The following MB21D2 variants were observed in gnomAD, a reference collection of about 807,000 sequenced individuals.
MB21D2 encodes the protein Mab-21 domain containing 2.
MB21D2 carries 9 observed loss-of-function variants against 33.3 expected under a neutral mutation model. The observed-to-expected ratio is 0.27, with a 90% CI of 0.16 to 0.47. The LOEUF is 0.47. MB21D2 is among the 20% of genes least tolerant of loss of function. The pLI, the probability that MB21D2 is intolerant of heterozygous loss-of-function variation, is 0.99. For synonymous variants in MB21D2, 241 were observed against 236.3 expected, an observed-to-expected ratio of 1.02 and a Z score of -0.18; for missense variants, 540 against 624.6, an observed-to-expected ratio of 0.86 and a Z score of 1.44.
intron 1 of MB21D2, among the ~76,000 whole-genome samples, chr3:192,809,281 A>T (rs1184570810): frequency 6.6e-6 from 1 of 152,164 alleles, no homozygotes; most frequent in Non-Finnish European, 1.5e-5. Flanking sequence ...TTTTTAGTAG[A>T]GATGGGGTTT....
chr3:192,836,285 C>T (rs964691562), intron 1 of MB21D2, among the ~76,000 whole-genome samples: 2 of 152,132 alleles, frequency 1.3e-5, no homozygotes, highest in Non-Finnish European at 2.9e-5. Flanking sequence ...GCTACGGAAA[C>T]CCAAGGGTGT....
intron 1 of MB21D2, among the ~76,000 whole-genome samples, chr3:192,876,156 C>T (rs759110422): frequency 7.2e-5 from 11 of 152,174 alleles, no homozygotes; most frequent in Non-Finnish European, 1.2e-4. Flanking sequence ...TAAAATTCCT[C>T]GGATGCTCCC....
intron 1 of MB21D2, among the ~76,000 whole-genome samples, chr3:192,845,958 C>G (rs1013518895): frequency 6.6e-6 from 1 of 152,122 alleles, no homozygotes; most frequent in South Asian, 2.1e-4. Context: ...TGGCACACAC[C>G]TGTAGTCCCA....
intron 1 of MB21D2, among the ~76,000 whole-genome samples, chr3:192,911,872 A>C (rs1245666569): frequency 6.6e-6 from 1 of 152,168 alleles, no homozygotes; most frequent in Non-Finnish European, 1.5e-5. Context: ...TTCCGAGATG[A>C]TCCTGTGCAC....
In MB21D2 at chr3:192,798,189, C is replaced by A; in HGVS notation, c.*197G>T. The A allele has an allele frequency of 3.5e-6, 2 of 573,654 alleles. No homozygotes were observed. The highest frequency in any genetic ancestry group is 2.9e-5 in the South Asian group (1 of 35,044). The allele number at this position is 573,654 out of a possible 1,614,324, so 35.5% of individuals were successfully genotyped here. On this transcript the variant is annotated 3_prime_UTR_variant, in exon 2 of 2. Coordinates refer to ENST00000392452, the MANE Select transcript of MB21D2 (RefSeq NM_178496.4). The surrounding 1 kb of genome is among the most constrained non-coding windows in gnomAD (Gnocchi z 4.8). ...GACAATAACTACAAAAAGTAAACAA[C>A]GAAATCAGAGGCAGAATATGAAATA...
intron 1 of MB21D2, among the ~76,000 whole-genome samples, chr3:192,915,321 T>C (rs1714439902): frequency 2.0e-5 from 3 of 152,194 alleles, no homozygotes; most frequent in Admixed American, 2.0e-4. Context: ...AAAAATGATT[T>C]TGTTCTTTAA....
intron 1 of MB21D2, among the ~76,000 whole-genome samples, chr3:192,887,130 G>C (rs1713749402): frequency 6.6e-6 from 1 of 152,082 alleles, no homozygotes; most frequent in African/African-American, 2.4e-5. Flanking sequence ...ACACTAACCA[G>C]ACATTTGACG....
At chr3:192,851,553 G>C (rs542340324) in intron 1 of MB21D2, among the ~76,000 whole-genome samples, 1 of 133,110 alleles carries the variant, frequency 7.5e-6, no homozygotes, top group Admixed American at 8.5e-5. Flanking sequence ...GGAGTGCAGT[G>C]CCACGATCTT....
chr3:192,890,668 A>G (rs1713833438), intron 1 of MB21D2, among the ~76,000 whole-genome samples: 1 of 152,030 alleles, frequency 6.6e-6, no homozygotes, highest in African/African-American at 2.4e-5. Context: ...AAACTCATCA[A>G]TTTTGAAAGC....
At chr3:192,842,382 T>G (rs2108625912) in intron 1 of MB21D2, among the ~76,000 whole-genome samples, 1 of 152,360 alleles carries the variant, frequency 6.6e-6, no homozygotes, top group Non-Finnish European at 1.5e-5. Flanking sequence ...AGGACACATT[T>G]TTCAGTCAAA....
intron 1 of MB21D2, among the ~76,000 whole-genome samples, chr3:192,871,007 A>G (rs998130368): frequency 2.0e-5 from 3 of 152,208 alleles, no homozygotes; most frequent in Non-Finnish European, 4.4e-5. Flanking sequence ...CACAAATGTT[A>G]TCTGAATTGT....
intron 1 of MB21D2, among the ~76,000 whole-genome samples, chr3:192,876,918 C>A (rs558103866): frequency 3.9e-4 from 59 of 152,218 alleles, no homozygotes; most frequent in South Asian, 1.9e-3. Context: ...TATTTAATAC[C>A]CAGAATTCTA....
chr3:192,871,268 C>A (rs1051053137), intron 1 of MB21D2, among the ~76,000 whole-genome samples: 3 of 152,096 alleles, frequency 2.0e-5, no homozygotes, highest in Admixed American at 1.3e-4. Flanking sequence ...CCCAGGCTTA[C>A]TAGAAAAGGA....
chr3:192,828,593 TATATATATA>T (rs1712232915), intron 1 of MB21D2, among the ~76,000 whole-genome samples: 11 of 13,702 alleles, frequency 8.0e-4, no homozygotes, highest in Non-Finnish European at 1.6e-3. Flanking sequence ...ACCCCCCCCA[TATATATATA>T]TATATATATA....
intron 1 of MB21D2, among the ~76,000 whole-genome samples, chr3:192,815,403 G>C (rs1007791224): frequency 6.6e-6 from 1 of 152,138 alleles, no homozygotes; most frequent in African/African-American, 2.4e-5. Context: ...TAAAAATGCA[G>C]GTTCCCATGT....
At chr3:192,916,802 C>T (rs1303098083) in intron 1 of MB21D2, among the ~76,000 whole-genome samples, 1 of 152,134 alleles carries the variant, frequency 6.6e-6, no homozygotes, top group East Asian at 1.9e-4. Flanking sequence ...GTGGGGGACA[C>T]ATTTTCTAGC....
chr3:192,884,567 C>T (rs1382306474), intron 1 of MB21D2, among the ~76,000 whole-genome samples: 1 of 151,982 alleles, frequency 6.6e-6, no homozygotes, highest in African/African-American at 2.4e-5. Context: ...CGGGGTTTCA[C>T]CGTGTTAGCC....
intron 1 of MB21D2, among the ~76,000 whole-genome samples, chr3:192,916,463 A>T (rs531491875): frequency 6.6e-6 from 1 of 152,186 alleles, no homozygotes; most frequent in Non-Finnish European, 1.5e-5. Context: ...ACCTTTCCCA[A>T]TCAAATTTTT....
intron 1 of MB21D2, among the ~76,000 whole-genome samples, chr3:192,864,267 G>A (rs540199350): frequency 6.6e-6 from 1 of 152,294 alleles, no homozygotes; most frequent in Non-Finnish European, 1.5e-5. Context: ...GAATAAGGAG[G>A]GAAGGACAAG....
Sources: gnomAD v4.1 joint callset for allele counts (sites outside exome capture counted in the v4.1 genomes callset) on GRCh38, gnomAD v4.1.1 for gene constraint, Gnocchi (gnomAD v3.1) non-coding constraint, MANE v1.5 for transcripts, NCBI Gene and HGNC (gene_info 2026-07-23, HGNC 2026-07-21) for gene names.